STXBP5L: variants seen among roughly 807,000 people sequenced by gnomAD.
STXBP5L encodes the protein syntaxin binding protein 5L, also known as syntaxin-binding protein 5-like.
In STXBP5L, 65 loss-of-function variants were observed where a neutral mutation model predicts 144.5. The ratio of observed to expected loss-of-function variants is 0.45; its 90% CI spans 0.37 to 0.55. The LOEUF is 0.55. STXBP5L is among the 20% of genes least tolerant of loss of function. The pLI is 0.00. For synonymous variants in STXBP5L, 505 were observed against 469.6 expected, an observed-to-expected ratio of 1.08 and a Z score of -0.97; for missense variants, 1,298 against 1,405.5, an observed-to-expected ratio of 0.92 and a Z score of 1.22.
At chr3:120,991,499 A>T (rs1401963234) in intron 3 of STXBP5L, among the ~76,000 whole-genome samples, 1 of 152,234 alleles carries the variant, frequency 6.6e-6, no homozygotes, top group Non-Finnish European at 1.5e-5. Context: ...CCAAAGGATT[A>T]TAAATCATGC....
At position 121,423,269 on chromosome 3, in the gene STXBP5L, GCA is replaced by G. The variant is rs1437531648; in HGVS notation, c.*4176_*4177del. ...TTTTTGGCTAGGTACTATTTCACAT[GCA>G]CACTGTCCTGGGTGCCAGAAATACT... On this transcript the variant is annotated 3_prime_UTR_variant, in exon 27 of 27. Transcript: ENST00000471454. 11 of 152,380 alleles carry G rather than the reference GCA, an allele frequency of 7.2e-5. No individual in the cohort carries two copies. Among genetic ancestry groups the G allele is most frequent in the African/African-American group, 2.4e-4 (10 of 41,550 alleles). 9.4% of individuals were successfully genotyped at this position (152,380 alleles called of 1,614,324 possible).
chr3:121,230,700 A>G (rs548882139), intron 11 of STXBP5L, among the ~76,000 whole-genome samples: 1 of 152,336 alleles, frequency 6.6e-6, no homozygotes, highest in East Asian at 1.9e-4. Context: ...ACATGCAGCC[A>G]GATACAAATA....
intron 22 of STXBP5L, among the ~76,000 whole-genome samples, chr3:121,392,357 A>G (rs1331862688): frequency 2.0e-5 from 3 of 152,048 alleles, no homozygotes; most frequent in Non-Finnish European, 2.9e-5. Context: ...TGCGCTTCCC[A>G]GGTAAGGTGA....
chr3:121,073,605 G>T (rs764903618), intron 5 of STXBP5L, among the ~76,000 whole-genome samples: 1 of 152,132 alleles, frequency 6.6e-6, no homozygotes. Flanking sequence ...AGGTAAAAAG[G>T]CTTTGTCATG....
intron 20 of STXBP5L, among the ~76,000 whole-genome samples, chr3:121,359,516 A>G (rs980466331): frequency 2.6e-5 from 4 of 152,226 alleles, no homozygotes; most frequent in African/African-American, 9.6e-5. Flanking sequence ...TTGCATAAGA[A>G]GCCTTTGCCC....
chr3:121,212,413 G>T (rs1169775065), intron 10 of STXBP5L, among the ~76,000 whole-genome samples: 1 of 152,120 alleles, frequency 6.6e-6, no homozygotes, highest in South Asian at 2.1e-4. Flanking sequence ...AAGGGGTCCA[G>T]TTTCAGTTTT....
chr3:120,968,481 T>C (rs1378903048), intron 3 of STXBP5L, among the ~76,000 whole-genome samples: 1 of 152,184 alleles, frequency 6.6e-6, no homozygotes, highest in Non-Finnish European at 1.5e-5. Flanking sequence ...ACTTTCAGTT[T>C]GTGCATGTCT....
intron 3 of STXBP5L, among the ~76,000 whole-genome samples, chr3:121,024,413 G>T (rs563063509): frequency 6.6e-6 from 1 of 152,068 alleles, no homozygotes; most frequent in African/African-American, 2.4e-5. Context: ...TCTTTTTGGG[G>T]TTACTACTGA....
chr3:121,351,177 A>T (rs921563213), intron 20 of STXBP5L, among the ~76,000 whole-genome samples: 2 of 152,142 alleles, frequency 1.3e-5, no homozygotes, highest in African/African-American at 2.4e-5. Context: ...TCCTTCTAAC[A>T]GTCAGGACCC....
intron 5 of STXBP5L, among the ~76,000 whole-genome samples, chr3:121,112,059 A>C (rs1038761853): frequency 6.6e-6 from 1 of 152,084 alleles, no homozygotes; most frequent in Non-Finnish European, 1.5e-5. Flanking sequence ...CCTGAGTCCA[A>C]ACCGCTCAGT....
At chr3:121,130,220 A>G (rs1443960612) in intron 7 of STXBP5L, among the ~76,000 whole-genome samples, 1 of 152,108 alleles carries the variant, frequency 6.6e-6, no homozygotes, top group Non-Finnish European at 1.5e-5. Flanking sequence ...TCTATTGGAA[A>G]GCCCTCTAGA....
At chr3:120,988,050 A>T (rs1487308818) in intron 3 of STXBP5L, among the ~76,000 whole-genome samples, 1 of 148,366 alleles carries the variant, frequency 6.7e-6, no homozygotes, top group Non-Finnish European at 1.5e-5. Context: ...GTCTTACCTG[A>T]TGGTTTTTCA....
chr3:121,369,424 CT>C (rs2045962613), intron 20 of STXBP5L, among the ~76,000 whole-genome samples: 1 of 147,450 alleles, frequency 6.8e-6, no homozygotes, highest in South Asian at 2.1e-4. Flanking sequence ...TTAGTTTTTT[CT>C]TTCTTCTTTG....
chr3:121,304,814 G>A (rs1021269089), intron 19 of STXBP5L, among the ~76,000 whole-genome samples: 1 of 151,702 alleles, frequency 6.6e-6, no homozygotes, highest in Non-Finnish European at 1.5e-5. Context: ...TAAAAAGTAA[G>A]AGCAATGTAA....
At chr3:121,095,584 C>A (rs912873245) in intron 5 of STXBP5L, among the ~76,000 whole-genome samples, 1 of 152,200 alleles carries the variant, frequency 6.6e-6, no homozygotes, top group Non-Finnish European at 1.5e-5. Flanking sequence ...GAATCGGCTA[C>A]TGAAGCTTGT....
rs1576385686 is a variant in STXBP5L at position 121,419,315 on chromosome 3, T to G, written c.*218T>G. 2 of 457,534 alleles carry G rather than the reference T, an allele frequency of 4.4e-6. No homozygotes were observed. Among genetic ancestry groups the G allele is most frequent in the East Asian group, 3.6e-5 (1 of 27,872 alleles). The allele number at this position is 457,534 out of a possible 1,614,324, so 28.3% of individuals were successfully genotyped here. On this transcript the variant is annotated 3_prime_UTR_variant, in exon 27 of 27. Transcript: ENST00000471454. ...CCAAAATACGGCTGAATTTGCCTTT[T>G]CCCATGTGGAATGGAGCTATCATCT... is the stretch of plus-strand genomic sequence containing the variant.
At chr3:121,188,765 A>C (rs540034241) in intron 9 of STXBP5L, among the ~76,000 whole-genome samples, 2 of 152,370 alleles carry the variant, frequency 1.3e-5, no homozygotes, top group Non-Finnish European at 2.9e-5. Flanking sequence ...ACAACCCTTC[A>C]TGCTGAAAAC....
At chr3:120,954,007 G>T (rs1187653663) in intron 2 of STXBP5L, among the ~76,000 whole-genome samples, 6 of 152,058 alleles carry the variant, frequency 3.9e-5, no homozygotes, top group Non-Finnish European at 8.8e-5. Flanking sequence ...GAATTATATT[G>T]TGAACACTCA....
In STXBP5L at chr3:121,162,153, A is replaced by G. The variant is rs1223617565; in HGVS notation, c.877+4526A>G. On this transcript the variant is annotated intron_variant, in intron 9 of 26. Transcript: ENST00000471454. Reference sequence around the variant, plus strand: ...GTACATGTGAAGTATTATTTCTAATACAGAACATACAAGAGAAAACTTGAA... The same window carrying G: ...GTACATGTGAAGTATTATTTCTAATGCAGAACATACAAGAGAAAACTTGAA... Among the ~76,000 whole-genome samples, 5 of 152,328 alleles carry G rather than the reference A, an allele frequency of 3.3e-5. No homozygotes were observed. The East Asian group carries it at 5.8e-4, about 18-fold the overall frequency.
Sources: gnomAD v4.1 joint callset for allele counts (sites outside exome capture counted in the v4.1 genomes callset) on GRCh38, gnomAD v4.1.1 for gene constraint, MANE v1.5 for transcripts, NCBI Gene and HGNC (gene_info 2026-07-23, HGNC 2026-07-21) for gene names.